Variants in CLMP observed in about 807,000 individuals in gnomAD.
CLMP encodes CXADR like cell adhesion molecule.
A neutral mutation model predicts 45.2 loss-of-function variants in CLMP; 27 were observed. The ratio of observed to expected loss-of-function variants is 0.60; its 90% CI spans 0.44 to 0.82. CLMP has a LOEUF of 0.82. CLMP is among the 40% of genes least tolerant of loss of function. CLMP has a pLI of 0.00. For missense variants in CLMP, 403 were observed against 448.4 expected, an observed-to-expected ratio of 0.90 and a Z score of 0.91; for synonymous variants, 167 against 171.4, an observed-to-expected ratio of 0.97 and a Z score of 0.20.
chr11:123,084,433 C>G, intron 3 of CLMP, 79 bp downstream of exon 3: 1 of 1,161,712 alleles, frequency 8.6e-7, no homozygotes, highest in Non-Finnish European at 1.3e-6. Context: ...ATGTTTTGTA[C>G]CACCGTGATG....
At chr11:123,145,528 T>A (rs957548179) in intron 1 of CLMP, among the ~76,000 whole-genome samples, 1 of 147,132 alleles carries the variant, frequency 6.8e-6, no homozygotes. Flanking sequence ...AGCGGCGCGA[T>A]CTGGACTCAA....
intron 1 of CLMP, among the ~76,000 whole-genome samples, chr11:123,186,143 A>C (rs538883729): frequency 3.0e-4 from 45 of 152,218 alleles, no homozygotes; most frequent in Non-Finnish European, 5.6e-4. Context: ...CTAGGATGGA[A>C]TACCTTACCT....
At chr11:123,096,311 A>G (rs149448465) in intron 2 of CLMP, among the ~76,000 whole-genome samples, 5,356 of 152,054 alleles carry the variant, frequency 0.035, 338 homozygotes, top group African/African-American at 0.12. Flanking sequence ...CTGAGATGGC[A>G]CCACAGCACT....
At chr11:123,097,711 C>G in intron 2 of CLMP, 84 bp downstream of exon 2, 1 of 1,086,870 alleles carries the variant, frequency 9.2e-7, no homozygotes. Context: ...TCTTTCAGAG[C>G]CAGAAAGAAA....
At chr11:123,090,880 A>C (rs2135475367) in intron 2 of CLMP, among the ~76,000 whole-genome samples, 1 of 152,266 alleles carries the variant, frequency 6.6e-6, no homozygotes, top group South Asian at 2.1e-4. Context: ...AAAAGTGTAC[A>C]ATTTTCTTAG....
At chr11:123,150,513 A>C (rs1359902005) in intron 1 of CLMP, among the ~76,000 whole-genome samples, 89 of 131,956 alleles carry the variant, frequency 6.7e-4, no homozygotes, top group South Asian at 4.2e-3. Flanking sequence ...GGAAGGAAGG[A>C]AGGAAGGAAG....
At chr11:123,184,915 A>AG (rs1329069325) in intron 1 of CLMP, among the ~76,000 whole-genome samples, 1 of 152,198 alleles carries the variant, frequency 6.6e-6, no homozygotes, top group Non-Finnish European at 1.5e-5. Context: ...CACAGTCACC[A>AG]GGAAAGACAG....
intron 1 of CLMP, among the ~76,000 whole-genome samples, chr11:123,119,670 T>C (rs1374531847): frequency 2.1e-4 from 32 of 151,750 alleles, no homozygotes; most frequent in Admixed American, 2.0e-3. Context: ...TTCATATGCA[T>C]TTTATGTCTC....
intron 1 of CLMP, among the ~76,000 whole-genome samples, chr11:123,099,495 CAG>C (rs1480946389): frequency 6.6e-6 from 1 of 152,126 alleles, no homozygotes; most frequent in African/African-American, 2.4e-5. Flanking sequence ...ATATTAGAAA[CAG>C]AGTATGTAAA....
chr11:123,132,768 AT>A (rs1167937748), intron 1 of CLMP, among the ~76,000 whole-genome samples: 1 of 148,112 alleles, frequency 6.8e-6, no homozygotes, highest in Non-Finnish European at 1.5e-5. Context: ...CCTGTTTTTT[AT>A]TTTATTTTTA....
intron 2 of CLMP, among the ~76,000 whole-genome samples, chr11:123,086,366 G>A: frequency 6.6e-6 from 1 of 152,210 alleles, no homozygotes; most frequent in East Asian, 1.9e-4. Flanking sequence ...GAGGCAAGGA[G>A]AAAAGGCCTG....
At chr11:123,136,618 A>G (rs1283020000) in intron 1 of CLMP, among the ~76,000 whole-genome samples, 1 of 119,640 alleles carries the variant, frequency 8.4e-6, no homozygotes, top group Non-Finnish European at 1.6e-5. Context: ...CCCAGGCTGG[A>G]GTGCAGTGGC....
chr11:123,090,197 G>A (rs1012458686), intron 2 of CLMP, among the ~76,000 whole-genome samples: 1 of 151,460 alleles, frequency 6.6e-6, no homozygotes, highest in Non-Finnish European at 1.5e-5. Flanking sequence ...TCTAATCTCA[G>A]CACTTTGGGA....
chr11:123,178,922 C>T (rs1401259185), intron 1 of CLMP, among the ~76,000 whole-genome samples: 1 of 152,148 alleles, frequency 6.6e-6, no homozygotes, highest in Non-Finnish European at 1.5e-5. Context: ...TATATGAAAA[C>T]GTCTAGCACA....
At chr11:123,083,324 G>A in intron 4 of CLMP, 117 bp from the exon 5 acceptor site, 1 of 1,031,004 alleles carries the variant, frequency 9.7e-7, no homozygotes, top group Non-Finnish European at 1.4e-6. Context: ...AGAATGAAAT[G>A]ATGGAAAAGA....
chr11:123,111,324 T>C (rs1860635052), intron 1 of CLMP, among the ~76,000 whole-genome samples: 1 of 151,920 alleles, frequency 6.6e-6, no homozygotes, highest in Non-Finnish European at 1.5e-5. Context: ...AGAGACGGAG[T>C]TTCACCGTGT....
At chr11:123,108,281 A>G (rs1490183818) in intron 1 of CLMP, among the ~76,000 whole-genome samples, 1 of 152,220 alleles carries the variant, frequency 6.6e-6, no homozygotes, top group East Asian at 1.9e-4. Flanking sequence ...CTGACATTTT[A>G]CTGTCTTTTT....
intron 1 of CLMP, among the ~76,000 whole-genome samples, chr11:123,115,350 A>G (rs907561182): frequency 2.0e-5 from 3 of 152,106 alleles, no homozygotes; most frequent in Non-Finnish European, 2.9e-5. Context: ...CCTGGCCTAG[A>G]AATGTTTTTC....
chr11:123,106,143 C>CTTT (rs113019577), intron 1 of CLMP, among the ~76,000 whole-genome samples: 33 of 151,422 alleles, frequency 2.2e-4, no homozygotes, highest in African/African-American at 5.3e-4. Flanking sequence ...TGATTTTATT[C>CTTT]TATTTTTTTT....
Sources: allele counts gnomAD v4.1 joint callset (sites outside exome capture counted in the v4.1 genomes callset), GRCh38; gene constraint gnomAD v4.1.1; transcripts MANE v1.5; gene names NCBI Gene and HGNC (gene_info 2026-07-23, HGNC 2026-07-21).